The following SCN9A variants were observed in gnomAD, a reference collection of about 807,000 sequenced individuals.
The protein encoded by SCN9A is sodium channel protein type 9 subunit alpha.
A neutral mutation model predicts 187.0 loss-of-function variants in SCN9A; 131 were observed. That is an observed-to-expected ratio of 0.70 (90% CI 0.61 to 0.81). The LOEUF (loss-of-function observed/expected upper bound fraction) is 0.81, where lower values mean the gene tolerates loss of function less well. Among genes scored for constraint, SCN9A ranks in the 30% least tolerant of loss-of-function variants. The pLI, the probability that SCN9A is intolerant of heterozygous loss-of-function variation, is 0.00. For missense variants in SCN9A, 2,252 were observed against 2,396.6 expected (o/e 0.94, Z 1.26); for synonymous variants, 809 against 808.6 (o/e 1.00, Z -0.01).
In SCN9A at chr2:166,251,840, G is replaced by A. The variant is rs761748478; in HGVS notation, c.3397C>T (p.Pro1133Ser). ...GCTTCTTCTCCTTCTCCAGGCAAAG[G>A]GTTATCAACTGTGCTGCACTCTGAG... ...SSSECSTVDN[P>S]LPGEGEEAEA... Residue 1133 changes from proline to serine, a missense_variant, in exon 18 of 27, where the codon CCT (proline) becomes TCT (serine). By Grantham distance (74) the Pro-to-Ser change is moderately conservative. Coordinates refer to ENST00000642356, the MANE Select transcript of SCN9A (RefSeq NM_001365536.1). 1.9e-6 allele frequency: 3 copies of A among 1,612,528 alleles called. No individual in the cohort carries two copies. The South Asian group carries it at 3.3e-5, about 18-fold the overall frequency.
rs201087484 is a variant in SCN9A, at chr2:166,375,757, A to T, written c.-111T>A. ...CACCTGCAGAATCTGGCTCCAGGAG[A>T]GGGCGCGGGCCTCTCCTTCCCCGGC... is the stretch of plus-strand genomic sequence containing the variant. On this transcript the variant is annotated 5_prime_UTR_variant, in exon 1 of 27. Transcript: ENST00000642356. The T allele has an allele frequency of 6.6e-6, 1 of 152,324 alleles. No homozygotes were observed. Among genetic ancestry groups the T allele is most frequent in the South Asian group, 2.1e-4 (1 of 4,822 alleles). 9.4% of individuals were successfully genotyped at this position (152,324 alleles called of 1,614,324 possible). A position where few individuals can be genotyped will look rare whatever the true frequency, so the allele number is the denominator to read the frequency against.
chr2:166,317,915 G>A (rs1292473874), intron 1 of SCN9A, among the ~76,000 whole-genome samples: 3 of 152,182 alleles, frequency 2.0e-5, no homozygotes, highest in Middle Eastern at 3.2e-3. Context: ...CAAAGCAGAA[G>A]CTACAGTCTA....
At chr2:166,214,003 A>G (rs1040847555) in intron 24 of SCN9A, among the ~76,000 whole-genome samples, 9 of 152,198 alleles carry the variant, frequency 5.9e-5, no homozygotes, top group Admixed American at 4.6e-4. Context: ...AAACTATAGC[A>G]CACATATAGA....
intron 1 of SCN9A, among the ~76,000 whole-genome samples, chr2:166,340,295 T>G (rs900920551): frequency 3.9e-5 from 6 of 152,320 alleles, no homozygotes; most frequent in African/African-American, 1.4e-4. Flanking sequence ...TATCTATTAC[T>G]TGAAGGTCAA....
intron 17 of SCN9A, among the ~76,000 whole-genome samples, chr2:166,255,806 T>A (rs1696246178): frequency 6.6e-6 from 1 of 151,078 alleles, no homozygotes; most frequent in Non-Finnish European, 1.5e-5. Context: ...AAGGAGGAGA[T>A]GGGTATAAAA....
chr2:166,290,083 C>T (rs1001209369), intron 9 of SCN9A, among the ~76,000 whole-genome samples: 16 of 150,368 alleles, frequency 1.1e-4, no homozygotes, highest in African/African-American at 3.7e-4. Flanking sequence ...CACCCCCCAA[C>T]AGGCCCCGGT....
chr2:166,198,284 GATAA>G lies in SCN9A; in HGVS notation c.*384_*387del. 1 of 164,624 alleles carries G rather than the reference GATAA, an allele frequency of 6.1e-6. No homozygotes were observed. Among genetic ancestry groups the G allele is most frequent in the South Asian group, 1.7e-4 (1 of 5,922 alleles). The allele number at this position is 164,624 out of a possible 1,614,324, so 10.2% of individuals were successfully genotyped here. ...TACTTTTGTTGATTTCCAAATAATA[GATAA>G]ATAATAGATTTTTCTGTATGCGTGT... On this transcript the variant is annotated 3_prime_UTR_variant, in exon 27 of 27. Transcript: ENST00000642356.
chr2:166,368,627 G>A (rs1454886591), intron 1 of SCN9A, among the ~76,000 whole-genome samples: 1 of 144,252 alleles, frequency 6.9e-6, no homozygotes, highest in African/African-American at 2.6e-5. Context: ...AGTGAAACCG[G>A]CACACCTTTA....
chr2:166,297,609 G>A (rs1698374960), intron 7 of SCN9A, among the ~76,000 whole-genome samples: 1 of 151,674 alleles, frequency 6.6e-6, no homozygotes, highest in Non-Finnish European at 1.5e-5. Context: ...GGGGCTGGGA[G>A]AAAAGGGAAA....
At chr2:166,317,759 T>C (rs899340980) in intron 1 of SCN9A, among the ~76,000 whole-genome samples, 11 of 152,218 alleles carry the variant, frequency 7.2e-5, no homozygotes, top group African/African-American at 2.7e-4. Flanking sequence ...TCTTATCCCA[T>C]GTGTTTATCA....
chr2:166,199,462 A>G lies in SCN9A; in HGVS notation c.5177T>C (p.Val1726Ala). 1 of 1,614,224 alleles carries G rather than the reference A, an allele frequency of 6.2e-7. No individual in the cohort carries two copies. The highest frequency in any genetic ancestry group is 8.5e-7 in the Non-Finnish European group (1 of 1,180,032). Residue 1726 changes from valine to alanine, a missense_variant, in exon 27 of 27, where the codon GTT (valine) becomes GCT (alanine). Coordinates refer to ENST00000642356, the MANE Select transcript of SCN9A (RefSeq NM_001365536.1). ...AGATGGGTTACCACAGTCTCCTTCAACTGAACTTCCAGGATGAACTTTTTT... is the reference window on the plus strand; with the variant it reads ...AGATGGGTTACCACAGTCTCCTTCAGCTGAACTTCCAGGATGAACTTTTTT... The part of the protein sequence containing the change: ...DPKKVHPGSS[V>A]EGDCGNPSVG...
At chr2:166,200,693 TG>T (rs1240148164) in intron 26 of SCN9A, among the ~76,000 whole-genome samples, 1 of 152,192 alleles carries the variant, frequency 6.6e-6, no homozygotes, top group Non-Finnish European at 1.5e-5. Context: ...TGGAGTGCGG[TG>T]GTGTGATCTT....
chr2:166,231,548 CTTTTTT>C (rs57067738), intron 21 of SCN9A, among the ~76,000 whole-genome samples: 2 of 99,066 alleles, frequency 2.0e-5, no homozygotes, highest in Non-Finnish European at 3.6e-5. Flanking sequence ...CAAGAATTTG[CTTTTTT>C]TTTTTTTTTT....
In SCN9A at chr2:166,242,576, A is replaced by C; in HGVS notation, c.3553T>G (p.Cys1185Gly). 1 of 1,576,236 alleles carries C rather than the reference A, an allele frequency of 6.3e-7. No individual in the cohort carries two copies. Residue 1185 changes from cysteine (C) to glycine (G), a missense_variant, in exon 19 of 27, where the codon TGC (cysteine) becomes GGC (glycine). Transcript: ENST00000642356. ...CAACTGTGTTCAACAATCTTGTAGCAGGTTTTCCTGATGTTCCACCAGATT... is the reference window on the plus strand; with the variant it reads ...CAACTGTGTTCAACAATCTTGTAGCCGGTTTTCCTGATGTTCCACCAGATT... ...GKIWWNIRKT[C>G]YKIVEHSWFE...
Position 166,311,709 on chromosome 2 carries a change from T to C in SCN9A, c.48A>G (p.Thr16=), listed in dbSNP as rs955273218. ...PPGPQSFVHF[T]KQSLALIEQR... ...GTTCAATGAGGGCAAGAGACTGTTT[T>C]GTGAAATGGACAAAGCTCTGAGGTC... The change falls in exon 2 of 27, where the codon ACA becomes ACG. Residue 16 remains threonine (T), a synonymous_variant. Coordinates refer to ENST00000642356, the MANE Select transcript of SCN9A (RefSeq NM_001365536.1). 25 of 1,612,070 alleles carry C rather than the reference T, an allele frequency of 1.6e-5. No individual in the cohort carries two copies. Among genetic ancestry groups the C allele is most frequent in the Non-Finnish European group, 2.0e-5 (24 of 1,178,654 alleles).
intron 24 of SCN9A, among the ~76,000 whole-genome samples, chr2:166,220,496 C>T (rs1324133682): frequency 3.3e-5 from 5 of 149,822 alleles, no homozygotes; most frequent in Non-Finnish European, 4.4e-5. Context: ...TAACATGATA[C>T]CTTACAGCAT....
intron 7 of SCN9A, among the ~76,000 whole-genome samples, chr2:166,300,549 A>T (rs903549525): frequency 1.3e-5 from 2 of 150,624 alleles, no homozygotes; most frequent in East Asian, 3.9e-4. Flanking sequence ...TCCCCCTTAA[A>T]CATTTTTTTT....
intron 17 of SCN9A, among the ~76,000 whole-genome samples, chr2:166,254,062 T>C (rs1696161406): frequency 6.6e-6 from 1 of 151,688 alleles, no homozygotes; most frequent in African/African-American, 2.4e-5. Context: ...TTCACGTGAT[T>C]TTATATAGTG....
intron 7 of SCN9A, 143 bp from the exon 8 acceptor site, chr2:166,294,805 T>G: frequency 4.1e-6 from 2 of 488,924 alleles, no homozygotes; most frequent in Non-Finnish European, 7.3e-6. Context: ...ATTTACTATT[T>G]TCTCATATAT....
Sources: gnomAD v4.1 joint callset for allele counts (sites outside exome capture counted in the v4.1 genomes callset) on GRCh38, gnomAD v4.1.1 for gene constraint, MANE v1.5 for transcripts, NCBI Gene and HGNC (gene_info 2026-07-23, HGNC 2026-07-21) for gene names.